Variants in CD200 observed in about 807,000 individuals in gnomAD.
The protein encoded by CD200 is OX-2 membrane glycoprotein.
A neutral mutation model predicts 30.9 loss-of-function variants in CD200; 15 were observed. The observed-to-expected ratio is 0.49, with a 90% CI of 0.32 to 0.75. The LOEUF (loss-of-function observed/expected upper bound fraction) is 0.75, where lower values mean the gene tolerates loss of function less well. Ranked by LOEUF, CD200 falls within the 30% of genes least tolerant of loss-of-function variation. The probability of loss-of-function intolerance (pLI) is 0.03; values close to 1 mark genes in which losing one functional copy is unlikely to be tolerated. For missense variants in CD200, 262 were observed against 324.2 expected (o/e 0.81, Z 1.47); for synonymous variants, 134 against 126.2 (o/e 1.06, Z -0.41).
chr3:112,350,134 C>T (rs1450902983), intron 5 of CD200, among the ~76,000 whole-genome samples: 1 of 152,162 alleles, frequency 6.6e-6, no homozygotes, highest in Non-Finnish European at 1.5e-5. Flanking sequence ...ATGAGAAGGA[C>T]AATCTCTTCT....
intron 5 of CD200, among the ~76,000 whole-genome samples, chr3:112,352,744 A>G (rs995720586): frequency 6.6e-6 from 1 of 152,242 alleles, no homozygotes; most frequent in African/African-American, 2.4e-5. Flanking sequence ...TGACCAAAAC[A>G]GAAGTTTATT....
upstream of CD200, chr3:112,333,118 G>T: frequency 6.5e-7 from 1 of 1,528,788 alleles, no homozygotes. Flanking sequence ...CGGGAGGTGC[G>T]GCAGGGGCAC....
rs1576599535 is a variant in CD200 at position 112,343,678 on chromosome 3, T to A, written c.95-1284T>A. 2.0e-5 allele frequency among the ~76,000 whole-genome samples: 3 copies of A among 152,334 alleles called. No homozygotes were observed. The East Asian group carries it at 5.8e-4, about 29-fold the overall frequency. The stretch of plus-strand genomic sequence containing the variant: ...TATATTAAATTGAAGGTTCTCGGTA[T>A]GATTGTGAATTTAAATTTTTTCTTT... On this transcript the variant is annotated intron_variant, in intron 2 of 5. Coordinates refer to ENST00000315711, the MANE Select transcript of CD200 (RefSeq NM_005944.7).
intron 4 of CD200, among the ~76,000 whole-genome samples, chr3:112,348,220 C>T (rs1376715141): frequency 6.6e-6 from 1 of 152,184 alleles, no homozygotes; most frequent in Non-Finnish European, 1.5e-5. Flanking sequence ...AATTGTAAAA[C>T]TGTGCATTAC....
chr3:112,333,123 G>C, upstream of CD200: 3 of 1,531,612 alleles, frequency 2.0e-6, no homozygotes, highest in Non-Finnish European at 2.6e-6. Context: ...GGTGCGGCAG[G>C]GGCACAGGTG....
In CD200 at chr3:112,353,753, G is replaced by A. The variant is rs190605590; in HGVS notation, c.802+3934G>A. ...AAGCACTTTTGCTTCCCGTACAAAG[G>A]CTGTATGAATGGGTAGCCCTCTGTC... On this transcript the variant is annotated intron_variant, in intron 5 of 5. Coordinates refer to ENST00000315711, the MANE Select transcript of CD200 (RefSeq NM_005944.7). Among the ~76,000 whole-genome samples, 5 of 152,210 alleles carry A rather than the reference G, an allele frequency of 3.3e-5. No homozygotes were observed. In the East Asian group the frequency reaches 9.6e-4, roughly 29 times the overall value.
At chr3:112,333,813 T>C in intron 1 of CD200, 1 of 985,280 alleles carries the variant, frequency 1.0e-6, no homozygotes, top group Non-Finnish European at 1.2e-6. Context: ...TTGAGAGAGC[T>C]GAAATGCTCT....
At chr3:112,347,332 G>A (rs1029047869) in intron 3 of CD200, among the ~76,000 whole-genome samples, 3 of 152,144 alleles carry the variant, frequency 2.0e-5, no homozygotes, top group African/African-American at 7.2e-5. Flanking sequence ...TTACAGAAAG[G>A]GTCTTTCTCA....
chr3:112,333,559 G>C (rs1576576237), intron 1 of CD200: 1 of 985,376 alleles, frequency 1.0e-6, no homozygotes, highest in African/African-American at 1.7e-5. Context: ...GGCTCGGCTC[G>C]GCTCACTGGC....
At chr3:112,351,652 T>C (rs906424645) in intron 5 of CD200, among the ~76,000 whole-genome samples, 2 of 149,240 alleles carry the variant, frequency 1.3e-5, no homozygotes, top group South Asian at 2.1e-4. Flanking sequence ...CTTCATGACA[T>C]ATGGCCAATT....
rs764474849 is a variant in CD200 at position 112,340,940 on chromosome 3, C to T, written c.51C>T (p.Ser17=). Residue 17 remains serine (S), a synonymous_variant, in exon 2 of 6, where the codon AGC becomes AGT. Coordinates refer to ENST00000315711, the MANE Select transcript of CD200 (RefSeq NM_005944.7). The part of the protein sequence containing the change: ...RMPFSHLSTY[S]LVWVMAAVVL... The stretch of plus-strand genomic sequence containing the variant: ...CCTTCTCTCATCTGTCTACCTACAG[C>T]CTGGTTTGGGTCATGGCAGCAGTGG... The T allele has an allele frequency of 5.0e-6, 8 of 1,612,478 alleles. No homozygotes were observed. In the Admixed American group the frequency reaches 6.7e-5, roughly 13 times the overall value.
chr3:112,354,321 A>T (rs2081588230), intron 5 of CD200, among the ~76,000 whole-genome samples: 1 of 152,246 alleles, frequency 6.6e-6, no homozygotes, highest in Admixed American at 6.5e-5. Context: ...ATTAGCTGTC[A>T]GTACCTGTTA....
intron 5 of CD200, among the ~76,000 whole-genome samples, chr3:112,356,694 A>T (rs2081628990): frequency 6.6e-6 from 1 of 152,264 alleles, no homozygotes; most frequent in African/African-American, 2.4e-5. Flanking sequence ...CAAGAGTTTA[A>T]AGTTTTCAAC....
At chr3:112,342,966 C>T (rs1333254001) in intron 2 of CD200, among the ~76,000 whole-genome samples, 3 of 151,910 alleles carry the variant, frequency 2.0e-5, no homozygotes, top group Non-Finnish European at 4.4e-5. Context: ...ATTATACATC[C>T]TTTCTTTGAG....
intron 3 of CD200, 107 bp from the exon 4 acceptor site, chr3:112,347,451 C>A: frequency 8.9e-7 from 1 of 1,121,882 alleles, no homozygotes; most frequent in Non-Finnish European, 1.3e-6. Context: ...ATCTTTCTAG[C>A]CTCCATTATC....
At chr3:112,353,329 G>T (rs2081569742) in intron 5 of CD200, among the ~76,000 whole-genome samples, 1 of 141,116 alleles carries the variant, frequency 7.1e-6, no homozygotes, top group Non-Finnish European at 1.6e-5. Context: ...CTTTGGTTTG[G>T]TTGAGTCAAG....
intron 5 of CD200, among the ~76,000 whole-genome samples, chr3:112,361,213 T>A (rs1007681309): frequency 1.3e-5 from 2 of 149,866 alleles, no homozygotes; most frequent in African/African-American, 2.5e-5. Flanking sequence ...TTTTTTTTTT[T>A]ATTTTTATTT....
At chr3:112,347,860 T>A in intron 4 of CD200, 30 bp downstream of exon 4, 1 of 1,600,976 alleles carries the variant, frequency 6.2e-7, no homozygotes, top group African/African-American at 1.3e-5. Context: ...GTGGCTGTGG[T>A]TGTGTCTGTG....
At chr3:112,348,141 G>GT (rs2081444326) in intron 4 of CD200, among the ~76,000 whole-genome samples, 1 of 152,182 alleles carries the variant, frequency 6.6e-6, no homozygotes, top group African/African-American at 2.4e-5. Flanking sequence ...AACATGAAAA[G>GT]TGCAGCAATG....
Sources: allele counts gnomAD v4.1 joint callset (sites outside exome capture counted in the v4.1 genomes callset), GRCh38; gene constraint gnomAD v4.1.1; transcripts MANE v1.5; gene names NCBI Gene and HGNC (gene_info 2026-07-23, HGNC 2026-07-21).